The following LRP4 variants were observed in gnomAD, a reference collection of about 807,000 sequenced individuals.
LRP4 encodes LDL receptor related protein 4.
A neutral mutation model predicts 220.3 loss-of-function variants in LRP4; 95 were observed. The observed-to-expected ratio is 0.43, with a 90% CI of 0.37 to 0.51. LRP4 has a LOEUF of 0.51. Ranked by LOEUF, LRP4 falls within the 20% of genes least tolerant of loss-of-function variation. The pLI is 0.00. For synonymous variants in LRP4, 903 were observed against 954.6 expected (o/e 0.95, Z 1.00); for missense variants, 1,925 against 2,567.0 (o/e 0.75, Z 5.40).
At position 46,875,164 on chromosome 11, in the gene LRP4, G is replaced by A. The variant is rs1363421863; in HGVS notation, c.3926-61C>T. On this transcript the variant is annotated intron_variant, in intron 27 of 37. Transcript: ENST00000378623. The surrounding 1 kb of genome is among the most constrained non-coding windows in gnomAD (Gnocchi z 4.5). ...TGGAACATCATCTGAATCTTACAAA[G>A]GTCCCAGTTGTTTGTGGCTGGCTCT... 6.5e-7 allele frequency: 1 copy of A among 1,542,100 alleles called. No homozygotes were observed. The highest frequency in any genetic ancestry group is 8.8e-7 in the Non-Finnish European group (1 of 1,131,810).
chr11:46,907,853 A>T (rs773862135), intron 1 of LRP4, among the ~76,000 whole-genome samples: 5 of 152,218 alleles, frequency 3.3e-5, no homozygotes, highest in Admixed American at 1.3e-4. Context: ...AACAGTTCTA[A>T]CTCAAAGGGC....
intron 37 of LRP4, 95 bp downstream of exon 37, chr11:46,862,511 C>G: frequency 8.0e-7 from 1 of 1,249,448 alleles, no homozygotes; most frequent in African/African-American, 1.5e-5. Context: ...GATGGGATTA[C>G]TCAGCAGCCG....
chr11:46,899,749 A>G lies in LRP4; in HGVS notation c.430+114T>C. The G allele has an allele frequency of 2.1e-6, 2 of 945,946 alleles. No individual in the cohort carries two copies. The allele number at this position is 945,946 out of a possible 1,614,324, so 58.6% of individuals were successfully genotyped here. On this transcript the variant is annotated intron_variant, in intron 4 of 37. Transcript: ENST00000378623. The surrounding 1 kb of genome is among the most constrained non-coding windows in gnomAD (Gnocchi z 5.9). ...CCCTCTGCGTTCCTCTAGCTGCTCC[A>G]GATATCTGGGCAGTTGGAGGTTTGG...
intron 2 of LRP4, among the ~76,000 whole-genome samples, chr11:46,901,170 C>T (rs1312370399): frequency 6.6e-6 from 1 of 152,182 alleles, no homozygotes; most frequent in African/African-American, 2.4e-5. Context: ...TAAGCAGAAA[C>T]TGCAGCTAAG....
Position 46,873,804 on chromosome 11 carries a change from G to A in LRP4, c.4230-211C>T, listed in dbSNP as rs1035075572. ...AGGAACCAGTTCTTAGGAGGACACA[G>A]TATTTCCTGCTAACTGGACATAGTG... On this transcript the variant is annotated intron_variant, in intron 28 of 37. Coordinates refer to ENST00000378623, the MANE Select transcript of LRP4 (RefSeq NM_002334.4). The surrounding 1 kb of genome is among the most constrained non-coding windows in gnomAD (Gnocchi z 4.2). The A allele has an allele frequency of 1.4e-4, 75 of 550,710 alleles. No individual in the cohort carries two copies. The highest frequency in any genetic ancestry group is 9.4e-4 in the Middle Eastern group (2 of 2,134). The allele number at this position is 550,710 out of a possible 1,614,324, so 34.1% of individuals were successfully genotyped here.
intron 32 of LRP4, 99 bp downstream of exon 32, chr11:46,868,889 T>C (rs1723086847): frequency 2.0e-6 from 3 of 1,527,458 alleles, no homozygotes; most frequent in Non-Finnish European, 2.7e-6. Flanking sequence ...ACCAAGAAGC[T>C]CTCTTGTGGC....
chr11:46,902,879 C>T lies in LRP4; in HGVS notation c.103G>A (p.Ala35Thr). ...CACGRSHFTC[A>T]VSALGECTCI... ...GTACACTCTCCAAGAGCACTCACTG[C>T]ACATGTGAAGTGGCTCCGACCACAA... is the stretch of plus-strand genomic sequence containing the variant. The change falls in exon 2 of 38, where the codon GCA (alanine) becomes ACA (threonine). Residue 35 changes from alanine to threonine, a missense_variant. Physicochemically the swap from Ala to Thr is moderately conservative, Grantham distance 58 (BLOSUM62 0). Coordinates refer to ENST00000378623, the MANE Select transcript of LRP4 (RefSeq NM_002334.4). 6.2e-7 allele frequency: 1 copy of T among 1,614,122 alleles called. No individual in the cohort carries two copies. The highest frequency in any genetic ancestry group is 1.1e-5 in the South Asian group (1 of 91,088).
chr11:46,880,316 A>G (rs2134811366), intron 20 of LRP4, among the ~76,000 whole-genome samples: 1 of 151,702 alleles, frequency 6.6e-6, no homozygotes, highest in East Asian at 1.9e-4. Context: ...AAAAAAAAAA[A>G]AAAGCTATGT....
intron 20 of LRP4, among the ~76,000 whole-genome samples, chr11:46,880,000 G>A (rs1941113248): frequency 6.6e-6 from 1 of 152,178 alleles, no homozygotes; most frequent in African/African-American, 2.4e-5. Context: ...AGCTACTTGG[G>A]AGGCTGAGGC....
At chr11:46,894,325 T>A (rs1040687269) in intron 12 of LRP4, among the ~76,000 whole-genome samples, 1 of 152,256 alleles carries the variant, frequency 6.6e-6, no homozygotes, top group Non-Finnish European at 1.5e-5. Context: ...CTGTCATCCA[T>A]AAATCTGATT....
Position 46,874,977 on chromosome 11 carries a change from G to A in LRP4, c.4052C>T (p.Ser1351Phe), listed in dbSNP as rs948064812. Residue 1351 changes from serine (S) to phenylalanine (F), a missense_variant, in exon 28 of 38, where the codon TCT becomes TTT. Around this residue, in one of 3 missense-constraint regions of LRP4, gnomAD observed 1,244 missense variants for 1,624.9 expected, o/e 0.77. Transcript: ENST00000378623. ...LKGDGKTCDP[S>F]PETYLLFSSR... ...GGAGAAGAGCAGGTAGGTCTCAGGA[G>A]AGGGATCACAGGTCTTCCCATCTCC... 1.2e-6 allele frequency: 2 copies of A among 1,614,206 alleles called. No homozygotes were observed. The highest frequency in any genetic ancestry group is 1.7e-6 in the Non-Finnish European group (2 of 1,180,034).
At chr11:46,896,796 C>CAA in intron 8 of LRP4, 73 bp downstream of exon 8, 1 of 1,608,432 alleles carries the variant, frequency 6.2e-7, no homozygotes, top group Non-Finnish European at 8.5e-7. Context: ...GGAAAGATAC[C>CAA]AAAGCACCCT....
rs769740360 is a variant in LRP4, at chr11:46,862,727, G to C, written c.5264C>G (p.Thr1755Ser). Residue 1755 changes from threonine to serine, a missense_variant, in exon 37 of 38, where the codon ACT (threonine) becomes AGT (serine). Physicochemically the swap from Thr to Ser is moderately conservative, Grantham distance 58 (BLOSUM62 1). Transcript: ENST00000378623. ...GGTGAGGTTCCCCATTCCAGGATCA[G>C]TGAACTTGGATTTTTTGTGTCTTTA... ...MLYRHKKSKF[T>S]DPGMGNLTYS... 6.2e-7 allele frequency: 1 copy of C among 1,614,018 alleles called. No homozygotes were observed. Among genetic ancestry groups the C allele is most frequent in the Non-Finnish European group, 8.5e-7 (1 of 1,179,978 alleles).
Position 46,874,880 on chromosome 11 carries a change from C to T in LRP4, c.4149G>A (p.Glu1383=), listed in dbSNP as rs1181126034. 4 of 1,614,090 alleles carry T rather than the reference C, an allele frequency of 2.5e-6. No homozygotes were observed. In the South Asian group the frequency reaches 3.3e-5, roughly 13 times the overall value. Residue 1383 remains glutamate, a synonymous_variant, in exon 28 of 38, where the codon GAG becomes GAA. Coordinates refer to ENST00000378623, the MANE Select transcript of LRP4 (RefSeq NM_002334.4). The part of the protein sequence containing the change: ...DHTDVHVPVP[E]LNNVISLDYD... ...AGTCCAGGGAGATGACATTGTTGAG[C>T]TCAGGAACAGGGACATGCACATCGG...
chr11:46,882,480 A>C (rs970260347), intron 19 of LRP4, among the ~76,000 whole-genome samples: 1 of 151,954 alleles, frequency 6.6e-6, no homozygotes, highest in African/African-American at 2.4e-5. Context: ...TGTTTCAAAA[A>C]AAAAAGAAAA....
chr11:46,868,865 C>T (rs768461581), intron 32 of LRP4, 123 bp downstream of exon 32: 43 of 1,422,528 alleles, frequency 3.0e-5, no homozygotes, highest in East Asian at 4.5e-5. Context: ...AAGTTCTAAG[C>T]GTTTAAAATG....
intron 30 of LRP4, 133 bp downstream of exon 30, chr11:46,872,967 T>C: frequency 7.8e-7 from 1 of 1,274,236 alleles, no homozygotes; most frequent in South Asian, 1.2e-5. Context: ...TATATTCCCT[T>C]ATCCTTCTCA....
Position 46,859,196 on chromosome 11 carries a change from GC to G in LRP4, c.5504del (p.Gly1835AlafsTer9), listed in dbSNP as rs745628337. ...DLKQLRSSRG[G>X]LLRDHVCMKT... ...TCATGCATACATGATCCCGGAGGAGGCCCCCCCGTGAGCTTCGCAGTTGCTT... is the reference window on the plus strand; with the variant it reads ...TCATGCATACATGATCCCGGAGGAGGCCCCCCGTGAGCTTCGCAGTTGCTT... On this transcript the variant is annotated frameshift_variant, in exon 38 of 38. Transcript: ENST00000378623. LOFTEE classifies it high-confidence loss of function. 3 of 1,613,960 alleles carry G rather than the reference GC, an allele frequency of 1.9e-6. No homozygotes were observed. Among genetic ancestry groups the G allele is most frequent in the South Asian group, 1.1e-5 (1 of 91,074 alleles).
Position 46,898,957 on chromosome 11 carries a change from T to G in LRP4, c.623A>C (p.Tyr208Ser). Reference sequence around the variant, plus strand: ...ACAGTCATCGTCGCCATCGCAGTGGTAGATGTCGAGGATGCAGCGTCCATA... The same window carrying G: ...ACAGTCATCGTCGCCATCGCAGTGGGAGATGTCGAGGATGCAGCGTCCATA... ...CAYGRCILDI[Y>S]HCDGDDDCGD... Residue 208 changes from tyrosine to serine, a missense_variant, in exon 6 of 38, where the codon TAC becomes TCC. Tyr to Ser is a moderately radical substitution (Grantham distance 144, BLOSUM62 -2). Coordinates refer to ENST00000378623, the MANE Select transcript of LRP4 (RefSeq NM_002334.4). 6.2e-7 allele frequency: 1 copy of G among 1,613,574 alleles called. No homozygotes were observed. The highest frequency in any genetic ancestry group is 8.5e-7 in the Non-Finnish European group (1 of 1,179,938).
Sources: allele counts gnomAD v4.1 joint callset (sites outside exome capture counted in the v4.1 genomes callset), GRCh38; gene constraint gnomAD v4.1.1; regional missense constraint gnomAD v4.1.1; non-coding constraint Gnocchi (gnomAD v3.1); transcripts MANE v1.5; gene names NCBI Gene and HGNC (gene_info 2026-07-23, HGNC 2026-07-21).